AKAP6: variants seen among roughly 807,000 people sequenced by gnomAD.
The protein encoded by AKAP6 is A-kinase anchoring protein 6.
Under a neutral mutation model 188.5 loss-of-function variants are expected in AKAP6, and 58 were observed. The observed-to-expected ratio is 0.31, with a 90% CI of 0.25 to 0.38. The LOEUF is 0.38. AKAP6 is among the 10% of genes least tolerant of loss of function. The pLI, the probability that AKAP6 is intolerant of heterozygous loss-of-function variation, is 1.00. For synonymous variants in AKAP6, 989 were observed against 998.6 expected (o/e 0.99, Z 0.18); for missense variants, 2,710 against 2,740.0 (o/e 0.99, Z 0.24).
chr14:32,706,567 A>G (rs1200709980), intron 9 of AKAP6, among the ~76,000 whole-genome samples: 6 of 152,322 alleles, frequency 3.9e-5, no homozygotes, highest in African/African-American at 1.2e-4. Context: ...GATGCTCTAT[A>G]GGAATATCAT....
chr14:32,716,052 C>G (rs924820189), intron 9 of AKAP6, among the ~76,000 whole-genome samples: 3 of 151,918 alleles, frequency 2.0e-5, no homozygotes, highest in African/African-American at 7.3e-5. Flanking sequence ...CTCAAATGAG[C>G]AACTAAGGCA....
intron 9 of AKAP6, among the ~76,000 whole-genome samples, chr14:32,728,894 A>G (rs935927618): frequency 3.3e-5 from 5 of 152,190 alleles, no homozygotes; most frequent in African/African-American, 1.2e-4. Context: ...GGTTCACATA[A>G]TATAGCCCTC....
chr14:32,430,326 G>A (rs945311889), intron 1 of AKAP6, among the ~76,000 whole-genome samples: 1 of 152,208 alleles, frequency 6.6e-6, no homozygotes, highest in African/African-American at 2.4e-5. Flanking sequence ...ATGTATGGAG[G>A]ATTTTGCCCC....
At chr14:32,804,868 C>A (rs1435283605) in intron 12 of AKAP6, among the ~76,000 whole-genome samples, 2 of 152,096 alleles carry the variant, frequency 1.3e-5, no homozygotes, top group East Asian at 3.9e-4. Flanking sequence ...TTAGAGATAT[C>A]TTCCCTACTT....
At chr14:32,775,221 T>G (rs2033020062) in intron 12 of AKAP6, among the ~76,000 whole-genome samples, 1 of 152,172 alleles carries the variant, frequency 6.6e-6, no homozygotes, top group Non-Finnish European at 1.5e-5. Flanking sequence ...GAGATTATTA[T>G]TATTACTTTC....
rs11326213 is a variant in AKAP6, at chr14:32,446,604, G to GT, written c.324+12798dup. Among the ~76,000 whole-genome samples, 68 of 149,004 alleles carry GT rather than the reference G, an allele frequency of 4.6e-4. 1 individual carries two copies. The highest frequency in any genetic ancestry group is 3.8e-3 in the East Asian group (19 of 5,014). ...GTTTTCTTAGAGCTAGTAGACATCT[G>GT]TTTTTTTTTTTAATTTTCAAGATTA... On this transcript the variant is annotated intron_variant, in intron 2 of 13. Transcript: ENST00000280979.
At chr14:32,380,067 T>G (rs1407637444) in intron 1 of AKAP6, among the ~76,000 whole-genome samples, 2 of 152,342 alleles carry the variant, frequency 1.3e-5, no homozygotes, top group African/African-American at 4.8e-5. Context: ...GCTCTCCATG[T>G]CATTCTCAGA....
chr14:32,814,189 C>T (rs1244882597), intron 12 of AKAP6, among the ~76,000 whole-genome samples: 1 of 152,184 alleles, frequency 6.6e-6, no homozygotes, highest in Non-Finnish European at 1.5e-5. Flanking sequence ...TCTAAGGTTA[C>T]AGATGATTTT....
chr14:32,581,281 A>T (rs1296956072), intron 5 of AKAP6, among the ~76,000 whole-genome samples: 1 of 152,154 alleles, frequency 6.6e-6, no homozygotes, highest in Non-Finnish European at 1.5e-5. Flanking sequence ...CAGGTTGTTC[A>T]GTTTCCATGT....
intron 2 of AKAP6, among the ~76,000 whole-genome samples, chr14:32,511,808 G>A (rs989444573): frequency 6.6e-6 from 1 of 151,882 alleles, no homozygotes. Context: ...TAAATGTCTC[G>A]TTCATCTTTC....
At chr14:32,579,780 A>C (rs1594758052) in intron 5 of AKAP6, among the ~76,000 whole-genome samples, 1 of 152,220 alleles carries the variant, frequency 6.6e-6, no homozygotes, top group East Asian at 1.9e-4. Context: ...ATTCTTCTCA[A>C]CCTTCCCATA....
chr14:32,654,914 A>C (rs749213808), intron 7 of AKAP6, among the ~76,000 whole-genome samples: 1 of 152,120 alleles, frequency 6.6e-6, no homozygotes, highest in Non-Finnish European at 1.5e-5. Context: ...ATACAAAAAA[A>C]TCATGCTTTA....
At chr14:32,629,854 C>A (rs1261636312) in intron 7 of AKAP6, among the ~76,000 whole-genome samples, 2 of 151,266 alleles carry the variant, frequency 1.3e-5, no homozygotes, top group African/African-American at 2.5e-5. Flanking sequence ...GCAGGAGGAT[C>A]TCTTGAGGCC....
At chr14:32,812,096 C>T (rs2034251718) in intron 12 of AKAP6, among the ~76,000 whole-genome samples, 1 of 152,080 alleles carries the variant, frequency 6.6e-6, no homozygotes, top group African/African-American at 2.4e-5. Context: ...GGGTATAAAA[C>T]TCACATGTTA....
chr14:32,756,083 G>T (rs985003779), intron 11 of AKAP6, among the ~76,000 whole-genome samples: 1 of 152,186 alleles, frequency 6.6e-6, no homozygotes, highest in Non-Finnish European at 1.5e-5. Context: ...GTCAGCAGGT[G>T]GGTGGGCTTG....
At chr14:32,625,589 C>T (rs1226653275) in intron 7 of AKAP6, among the ~76,000 whole-genome samples, 1 of 151,792 alleles carries the variant, frequency 6.6e-6, no homozygotes, top group East Asian at 1.9e-4. Flanking sequence ...CTTAGGATTT[C>T]TGTGCAATTA....
At chr14:32,455,744 C>T (rs551772796) in intron 2 of AKAP6, among the ~76,000 whole-genome samples, 1 of 152,178 alleles carries the variant, frequency 6.6e-6, no homozygotes, top group South Asian at 2.1e-4. Flanking sequence ...TAATCTCTGT[C>T]CTCTTTATTT....
chr14:32,816,329 A>G (rs372649712), intron 12 of AKAP6, among the ~76,000 whole-genome samples: 26 of 152,216 alleles, frequency 1.7e-4, no homozygotes, highest in African/African-American at 6.0e-4. Context: ...AGTAGCTAGG[A>G]CAACAGGCAC....
chr14:32,721,508 T>C (rs1295151347), intron 9 of AKAP6, among the ~76,000 whole-genome samples: 2 of 152,222 alleles, frequency 1.3e-5, no homozygotes, highest in African/African-American at 2.4e-5. Flanking sequence ...TAAAAAGACT[T>C]GAAAGTTTCA....
Sources: gnomAD v4.1 joint callset for allele counts (sites outside exome capture counted in the v4.1 genomes callset) on GRCh38, gnomAD v4.1.1 for gene constraint, MANE v1.5 for transcripts, NCBI Gene and HGNC (gene_info 2026-07-23, HGNC 2026-07-21) for gene names.